The following TNS1 variants were observed in gnomAD, a reference collection of about 807,000 sequenced individuals.
The protein encoded by TNS1 is tensin 1.
Under a neutral mutation model 168.6 loss-of-function variants are expected in TNS1, and 62 were observed. That is an observed-to-expected ratio of 0.37 (90% CI 0.30 to 0.45). The LOEUF is 0.45. Among genes scored for constraint, TNS1 ranks in the 20% least tolerant of loss-of-function variants. TNS1 has a pLI of 1.00. For synonymous variants in TNS1, 934 were observed against 933.2 expected (o/e 1.00, Z -0.02); for missense variants, 2,240 against 2,339.4 (o/e 0.96, Z 0.88).
At position 217,849,071 on chromosome 2, in the gene TNS1, C is replaced by CGTGT; in HGVS notation, c.1442_1445dup (p.Gln483HisfsTer12). The CGTGT allele has an allele frequency of 6.2e-7, 1 of 1,611,366 alleles. No homozygotes were observed. Among genetic ancestry groups the CGTGT allele is most frequent in the Non-Finnish European group, 8.5e-7 (1 of 1,178,602 alleles). On this transcript the variant is annotated frameshift_variant, in exon 19 of 33. Transcript: ENST00000682258. LOFTEE classifies it high-confidence loss of function. ...ACAGGCTCCCATCTAGTGGCCCCTG[C>CGTGT]GTGTGTCCCACCACCTCTGCAAGGG...
intron 18 of TNS1, chr2:217,879,426 G>C (rs769870317): frequency 6.6e-6 from 3 of 454,128 alleles, no homozygotes. Flanking sequence ...CTCAGCGCCC[G>C]GGGATGGAGG....
At position 217,995,153 on chromosome 2, in the gene TNS1, C is replaced by T. The variant is rs540112364; in HGVS notation, c.34-4097G>A. Among the ~76,000 whole-genome samples, 3 of 152,098 alleles carry T rather than the reference C, an allele frequency of 2.0e-5. No homozygotes were observed. The highest frequency in any genetic ancestry group is 2.1e-4 in the South Asian group (1 of 4,826). ...GGAGGCTGTGAAACTCTGGTAGGAG[C>T]GAGGGACTAGCTCTGCCACCTCCAG... On this transcript the variant is annotated intron_variant, in intron 1 of 32. Transcript: ENST00000682258. This position sits in a 1 kb window ranked among gnomAD's most constrained non-coding sequence, Gnocchi z 4.1.
intron 18 of TNS1, among the ~76,000 whole-genome samples, chr2:217,863,405 G>T (rs1171214928): frequency 1.3e-5 from 2 of 152,142 alleles, no homozygotes; most frequent in East Asian, 3.9e-4. Context: ...ACAGGCCAAA[G>T]ATGCTGCTAA....
chr2:217,941,813 C>G (rs772373437), intron 3 of TNS1, among the ~76,000 whole-genome samples: 9 of 152,216 alleles, frequency 5.9e-5, no homozygotes, highest in Non-Finnish European at 1.3e-4. Context: ...TTAGGAAGCT[C>G]TTCCTTCACC....
intron 22 of TNS1, among the ~76,000 whole-genome samples, chr2:217,828,529 G>A (rs1249597025): frequency 1.3e-5 from 2 of 152,200 alleles, no homozygotes; most frequent in Non-Finnish European, 2.9e-5. Flanking sequence ...TTCCTGAGGG[G>A]GGGATGCCAG....
rs779414826 is a variant in TNS1 at position 217,817,834 on chromosome 2, C to T, written c.4498G>A (p.Asp1500Asn). The change falls in exon 24 of 33, where the codon GAC (aspartate) becomes AAC (asparagine). Residue 1500 changes from aspartate (D) to asparagine (N), a missense_variant. Coordinates refer to ENST00000682258, the MANE Select transcript of TNS1 (RefSeq NM_001387777.1). ...LPEKRRMSVG[D>N]RAGSLPNYAT... Reference sequence around the variant, plus strand: ...TAGTTGGGGAGGCTGCCTGCCCGGTCTCCCACTGACATCCTTCGCTTCTCT... The same window carrying T: ...TAGTTGGGGAGGCTGCCTGCCCGGTTTCCCACTGACATCCTTCGCTTCTCT... The T allele has an allele frequency of 9.3e-6, 15 of 1,614,230 alleles. No homozygotes were observed. Among genetic ancestry groups the T allele is most frequent in the Admixed American group, 1.7e-5 (1 of 60,034 alleles).
intron 3 of TNS1, among the ~76,000 whole-genome samples, chr2:217,942,083 C>G (rs1249887991): frequency 2.0e-5 from 3 of 152,226 alleles, no homozygotes; most frequent in Non-Finnish European, 1.5e-5. Context: ...CTGGACACCA[C>G]CACCTCCCTG....
intron 18 of TNS1, among the ~76,000 whole-genome samples, chr2:217,862,592 C>A (rs929514111): frequency 4.6e-5 from 7 of 152,232 alleles, no homozygotes; most frequent in African/African-American, 1.7e-4. Flanking sequence ...CCTAGAATCC[C>A]CGCATGGTCA....
intron 1 of TNS1, among the ~76,000 whole-genome samples, chr2:218,000,256 G>T (rs781544907): frequency 1.3e-5 from 2 of 152,302 alleles, no homozygotes; most frequent in African/African-American, 4.8e-5. Flanking sequence ...TGACACAATT[G>T]CAGCTTTCCC....
rs866273583 is a variant in TNS1 at position 217,826,160 on chromosome 2, G to T, written c.3374-4222C>A. ...ACCTGCCCTTCCAGTCCCAGATCAT[G>T]GGGTGGAGATGAACGAAGCCCTTCC... On this transcript the variant is annotated intron_variant, in intron 22 of 32. Coordinates refer to ENST00000682258, the MANE Select transcript of TNS1 (RefSeq NM_001387777.1). Among the ~76,000 whole-genome samples, 6 of 152,262 alleles carry T rather than the reference G, an allele frequency of 3.9e-5. No homozygotes were observed. The Middle Eastern group carries it at 0.01, about 259-fold the overall frequency.
chr2:217,931,350 A>T (rs1410102297), intron 3 of TNS1, among the ~76,000 whole-genome samples: 1 of 152,224 alleles, frequency 6.6e-6, no homozygotes, highest in Non-Finnish European at 1.5e-5. Flanking sequence ...GTGCTAGAAC[A>T]GTAAGGCAGG....
intron 19 of TNS1, among the ~76,000 whole-genome samples, chr2:217,837,043 G>T (rs1408728488): frequency 6.6e-6 from 1 of 152,038 alleles, no homozygotes; most frequent in Non-Finnish European, 1.5e-5. Flanking sequence ...TTGCCTCATT[G>T]AGCTGGCTCC....
chr2:218,009,344 C>A (rs1360711403), intron 1 of TNS1, among the ~76,000 whole-genome samples: 145 of 152,164 alleles, frequency 9.5e-4, no homozygotes, highest in Non-Finnish European at 1.2e-4. Context: ...GCTATGCCCC[C>A]ACCTCCACCT....
chr2:217,816,110 A>G (rs547951155), intron 24 of TNS1, among the ~76,000 whole-genome samples: 4 of 152,300 alleles, frequency 2.6e-5, no homozygotes, highest in African/African-American at 9.6e-5. Context: ...AGGGATGAGA[A>G]GTGACTTGCC....
chr2:217,890,892 C>G, intron 12 of TNS1, 70 bp downstream of exon 12: 1 of 1,542,384 alleles, frequency 6.5e-7, no homozygotes, highest in East Asian at 2.2e-5. Flanking sequence ...CCTGTGAGTA[C>G]ACAAGTCTAG....
chr2:217,919,500 G>A (rs986081534), intron 4 of TNS1, among the ~76,000 whole-genome samples: 5 of 152,242 alleles, frequency 3.3e-5, no homozygotes, highest in Non-Finnish European at 7.3e-5. Context: ...AGCCTTGTCT[G>A]CTTCTAGGGC....
chr2:217,850,166 A>C, intron 18 of TNS1: 2 of 985,380 alleles, frequency 2.0e-6, no homozygotes, highest in South Asian at 9.4e-5. Flanking sequence ...CAGGTCTGCA[A>C]AGACGAGCAT....
intron 23 of TNS1, among the ~76,000 whole-genome samples, chr2:217,821,100 T>A (rs1245232430): frequency 4.6e-5 from 7 of 152,168 alleles, no homozygotes; most frequent in Admixed American, 6.5e-5. Context: ...TAGCCAGAAA[T>A]AATGGCCCCT....
intron 4 of TNS1, among the ~76,000 whole-genome samples, chr2:217,909,040 C>A (rs1954032050): frequency 6.6e-6 from 1 of 151,914 alleles, no homozygotes; most frequent in Non-Finnish European, 1.5e-5. Flanking sequence ...ACCAGGTGCT[C>A]CCCTCAGCCG....
Sources: allele counts gnomAD v4.1 joint callset (sites outside exome capture counted in the v4.1 genomes callset), GRCh38; gene constraint gnomAD v4.1.1; non-coding constraint Gnocchi (gnomAD v3.1); transcripts MANE v1.5; gene names NCBI Gene and HGNC (gene_info 2026-07-23, HGNC 2026-07-21).